RHOQ: variants seen among roughly 807,000 people sequenced by gnomAD.
RHOQ encodes the protein ras homolog family member Q, also known as rho-related GTP-binding protein RhoQ.
Under a neutral mutation model 25.8 loss-of-function variants are expected in RHOQ, and 7 were observed. The ratio of observed to expected loss-of-function variants is 0.27; its 90% CI spans 0.15 to 0.51. The LOEUF (loss-of-function observed/expected upper bound fraction) is 0.51, where lower values mean the gene tolerates loss of function less well. Ranked by LOEUF, RHOQ falls within the 20% of genes least tolerant of loss-of-function variation. The probability of loss-of-function intolerance (pLI) is 0.97; values close to 1 mark genes in which losing one functional copy is unlikely to be tolerated. For missense variants in RHOQ, 165 were observed against 260.6 expected (o/e 0.63, Z 2.53); for synonymous variants, 97 against 98.6 (o/e 0.98, Z 0.10).
chr2:46,576,275 A>G lies in RHOQ; in HGVS notation c.366+24A>G. 1.3e-6 allele frequency: 2 copies of G among 1,588,608 alleles called. No homozygotes were observed. Among genetic ancestry groups the G allele is most frequent in the Non-Finnish European group, 8.6e-7 (1 of 1,163,046 alleles). On this transcript the variant is annotated intron_variant, in intron 3 of 4. Coordinates refer to ENST00000238738, the MANE Select transcript of RHOQ (RefSeq NM_012249.4). The surrounding 1 kb of genome is among the most constrained non-coding windows in gnomAD (Gnocchi z 5.1). ...AGGTATGTCTGGTTTGATTTTCTGC[A>G]TTTTAGAATAAGCTCTTTGGTCTGT... is the stretch of plus-strand genomic sequence containing the variant.
At chr2:46,544,879 G>A (rs572173006) in intron 2 of RHOQ, among the ~76,000 whole-genome samples, 1 of 152,204 alleles carries the variant, frequency 6.6e-6, no homozygotes, top group Non-Finnish European at 1.5e-5. Context: ...ATATTGTATG[G>A]CAAATGTTTA....
At chr2:46,557,959 C>T (rs1052289331) in intron 2 of RHOQ, among the ~76,000 whole-genome samples, 4 of 152,180 alleles carry the variant, frequency 2.6e-5, no homozygotes, top group African/African-American at 9.7e-5. Context: ...CACAGCTGAG[C>T]CATGTAGTGT....
At chr2:46,565,861 G>C (rs941835902) in intron 2 of RHOQ, among the ~76,000 whole-genome samples, 8 of 152,214 alleles carry the variant, frequency 5.3e-5, no homozygotes, top group African/African-American at 1.9e-4. Flanking sequence ...AGAGGCAATC[G>C]TATTACAGTA....
intron 2 of RHOQ, among the ~76,000 whole-genome samples, chr2:46,567,227 C>G (rs1474602199): frequency 1.3e-5 from 2 of 152,142 alleles, no homozygotes; most frequent in Non-Finnish European, 1.5e-5. Flanking sequence ...ATGAAGTAAT[C>G]AGGCCTGCAC....
intron 4 of RHOQ, 40 bp from the exon 5 acceptor site, chr2:46,580,888 C>T (rs1044596297): frequency 1.2e-5 from 17 of 1,400,270 alleles, no homozygotes; most frequent in African/African-American, 1.5e-5. Context: ...ATTGTATAAA[C>T]ATGATCTTAT....
At chr2:46,551,625 C>T (rs1668244489) in intron 2 of RHOQ, among the ~76,000 whole-genome samples, 3 of 152,094 alleles carry the variant, frequency 2.0e-5, no homozygotes, top group African/African-American at 7.2e-5. Flanking sequence ...TGCTGTGTTG[C>T]TGGTTGATTT....
At chr2:46,561,418 G>A (rs1558686964) in intron 2 of RHOQ, among the ~76,000 whole-genome samples, 1 of 151,964 alleles carries the variant, frequency 6.6e-6, no homozygotes, top group African/African-American at 2.4e-5. Context: ...GGAGGTGTGG[G>A]AGCAGCCTAT....
At chr2:46,547,600 C>G (rs1668113387) in intron 2 of RHOQ, among the ~76,000 whole-genome samples, 1 of 152,252 alleles carries the variant, frequency 6.6e-6, no homozygotes, top group Non-Finnish European at 1.5e-5. Context: ...CACATTTTGA[C>G]TGCCAAGCAT....
At chr2:46,543,698 C>A in intron 1 of RHOQ, 56 bp from the exon 2 acceptor site, 1 of 1,544,372 alleles carries the variant, frequency 6.5e-7, no homozygotes, top group Non-Finnish European at 8.9e-7. Flanking sequence ...GCGAAATTGC[C>A]CCAGAGCCCA....
At position 46,543,749 on chromosome 2, in the gene RHOQ, T is replaced by TG; in HGVS notation, c.143-4dup. 1 of 1,613,390 alleles carries TG rather than the reference T, an allele frequency of 6.2e-7. No individual in the cohort carries two copies. Among genetic ancestry groups the TG allele is most frequent in the Non-Finnish European group, 8.5e-7 (1 of 1,179,714 alleles). ...CTCTCCCCGCCCCCACTTCTGTCCT[T>TG]GCAGTCAGCGTCACCGTGGGGGGCA... is the stretch of plus-strand genomic sequence containing the variant. On this transcript the variant is annotated splice_polypyrimidine_tract_variant and splice_region_variant and intron_variant, in intron 1 of 4. Coordinates refer to ENST00000238738, the MANE Select transcript of RHOQ (RefSeq NM_012249.4).
intron 2 of RHOQ, among the ~76,000 whole-genome samples, chr2:46,564,488 G>C (rs59823825): frequency 0.13 from 20,256 of 152,144 alleles, 1,927 homozygotes; most frequent in African/African-American, 0.27. Flanking sequence ...TCCTGATTTC[G>C]CCTGCCGGGA....
intron 4 of RHOQ, 180 bp from the exon 5 acceptor site, chr2:46,580,748 A>G (rs1185552975): frequency 1.1e-5 from 5 of 435,024 alleles, no homozygotes; most frequent in Admixed American, 4.4e-5. Context: ...TTTTTCATAG[A>G]AAGTCTGGAA....
Position 46,576,449 on chromosome 2 carries a change from G to A in RHOQ, c.367-112G>A, listed in dbSNP as rs1488314234. 1 of 915,586 alleles carries A rather than the reference G, an allele frequency of 1.1e-6. No individual in the cohort carries two copies. Among genetic ancestry groups the A allele is most frequent in the Non-Finnish European group, 1.6e-6 (1 of 607,438 alleles). 56.7% of individuals were successfully genotyped at this position (915,586 alleles called of 1,614,324 possible). A position where few individuals can be genotyped will look rare whatever the true frequency, so the allele number is the denominator to read the frequency against. ...TATTTTCCTGGTTTTTAAAAATTAA[G>A]TTCTTTTGTTTAATCTTTTTTTGGT... is the stretch of plus-strand genomic sequence containing the variant. On this transcript the variant is annotated intron_variant, in intron 3 of 4. Transcript: ENST00000238738. This position sits in a 1 kb window ranked among gnomAD's most constrained non-coding sequence, Gnocchi z 5.1.
At position 46,579,809 on chromosome 2, in the gene RHOQ, T is replaced by C. The variant is rs113518352; in HGVS notation, c.463-1119T>C. Among the ~76,000 whole-genome samples the C allele has an allele frequency of 3.1e-3, 461 of 149,882 alleles. 5 individuals are homozygous for C. Among genetic ancestry groups the C allele is most frequent in the African/African-American group, 0.011 (435 of 40,438 alleles). On this transcript the variant is annotated intron_variant, in intron 4 of 4. Coordinates refer to ENST00000238738, the MANE Select transcript of RHOQ (RefSeq NM_012249.4). ...GTGATGAGCCAAGATCGAACCATAG[T>C]ACTCCAGCCTGGGCAACAAGAGTGA...
chr2:46,570,208 A>G (rs1262547564), intron 2 of RHOQ, among the ~76,000 whole-genome samples: 1 of 152,206 alleles, frequency 6.6e-6, no homozygotes, highest in East Asian at 1.9e-4. Context: ...TGGGAGGCCA[A>G]GGGAGGCGGA....
chr2:46,576,513 T>C lies in RHOQ; in HGVS notation c.367-48T>C. 8.3e-7 allele frequency: 1 copy of C among 1,211,042 alleles called. No homozygotes were observed. The highest frequency in any genetic ancestry group is 1.2e-6 in the Non-Finnish European group (1 of 846,116). The allele number at this position is 1,211,042 out of a possible 1,614,324, so 75.0% of individuals were successfully genotyped here. ...GTGGGATTACATGCTTTGATTTTTC[T>C]TTAAAGATTTGTAATATTATGGGAC... On this transcript the variant is annotated intron_variant, in intron 3 of 4. Coordinates refer to ENST00000238738, the MANE Select transcript of RHOQ (RefSeq NM_012249.4). This position sits in a 1 kb window ranked among gnomAD's most constrained non-coding sequence, Gnocchi z 5.1.
In RHOQ at chr2:46,555,039, G is replaced by T. The variant is rs1233741354; in HGVS notation, c.201+11227G>T. Among the ~76,000 whole-genome samples the T allele has an allele frequency of 6.6e-6, 1 of 152,228 alleles. No homozygotes were observed. The highest frequency in any genetic ancestry group is 1.9e-4 in the East Asian group (1 of 5,204). On this transcript the variant is annotated intron_variant, in intron 2 of 4. Transcript: ENST00000238738. This position sits in a 1 kb window ranked among gnomAD's most constrained non-coding sequence, Gnocchi z 4.3. The stretch of plus-strand genomic sequence containing the variant: ...TCCACCAGCCTCCTTGGCCCTGGAG[G>T]AATGGGGAAGGGACTGGACACGAGG...
intron 2 of RHOQ, chr2:46,568,508 T>A (rs1668806967): frequency 6.6e-6 from 1 of 152,158 alleles, no homozygotes; most frequent in Non-Finnish European, 1.5e-5. Context: ...ATCATGGCAG[T>A]TTTACTTCAA....
intron 2 of RHOQ, among the ~76,000 whole-genome samples, chr2:46,544,595 G>C (rs981283255): frequency 3.9e-5 from 6 of 152,222 alleles, no homozygotes; most frequent in African/African-American, 1.4e-4. Context: ...AAAGGGCCAA[G>C]GTCTTCTCTC....
Sources: gnomAD v4.1 joint callset for allele counts (sites outside exome capture counted in the v4.1 genomes callset) on GRCh38, gnomAD v4.1.1 for gene constraint, Gnocchi (gnomAD v3.1) non-coding constraint, MANE v1.5 for transcripts, NCBI Gene and HGNC (gene_info 2026-07-23, HGNC 2026-07-21) for gene names.